CLEC9A: variants seen among roughly 807,000 people sequenced by gnomAD.
CLEC9A encodes the protein C-type lectin domain family 9 member A.
CLEC9A carries 24 observed loss-of-function variants against 30.0 expected under a neutral mutation model. The observed-to-expected ratio is 0.80, with a 90% CI of 0.58 to 1.13. CLEC9A has a LOEUF of 1.13. Ranked by LOEUF, CLEC9A falls within the 50% of genes most tolerant of loss-of-function variation. CLEC9A has a pLI of 0.00. For synonymous variants in CLEC9A, 111 were observed against 96.8 expected (o/e 1.15, Z -0.86); for missense variants, 251 against 280.9 (o/e 0.89, Z 0.76).
chr12:10,048,197 C>G (rs1194410693), intron 2 of CLEC9A, among the ~76,000 whole-genome samples: 1 of 149,280 alleles, frequency 6.7e-6, no homozygotes, highest in Non-Finnish European at 1.5e-5. Context: ...TGCGCCACTG[C>G]AGTCCGCAGT....
At chr12:10,051,698 A>C (rs1190847273) in intron 2 of CLEC9A, among the ~76,000 whole-genome samples, 1 of 152,220 alleles carries the variant, frequency 6.6e-6, no homozygotes, top group Non-Finnish European at 1.5e-5. Context: ...TTACTTAGAC[A>C]TAACCTTTGG....
intron 5 of CLEC9A, among the ~76,000 whole-genome samples, chr12:10,059,111 A>G (rs973337613): frequency 6.6e-6 from 1 of 152,234 alleles, no homozygotes; most frequent in African/African-American, 2.4e-5. Flanking sequence ...AATGATTAAC[A>G]TATCATAAAC....
intron 4 of CLEC9A, among the ~76,000 whole-genome samples, chr12:10,053,348 G>A (rs1173313385): frequency 6.6e-6 from 1 of 152,140 alleles, no homozygotes; most frequent in Non-Finnish European, 1.5e-5. Context: ...GTGTTGGCAG[G>A]GATCGAGTGG....
intron 6 of CLEC9A, among the ~76,000 whole-genome samples, chr12:10,062,779 G>A (rs1164786684): frequency 1.4e-4 from 21 of 152,056 alleles, no homozygotes; most frequent in Non-Finnish European, 1.5e-5. Flanking sequence ...GATAAAACTG[G>A]AATAATCAGA....
At chr12:10,058,262 A>G (rs919694805) in intron 5 of CLEC9A, among the ~76,000 whole-genome samples, 4 of 152,224 alleles carry the variant, frequency 2.6e-5, no homozygotes, top group Non-Finnish European at 5.9e-5. Flanking sequence ...TGAATCTAAG[A>G]AGAAAATTAT....
intron 2 of CLEC9A, among the ~76,000 whole-genome samples, chr12:10,048,357 T>G (rs1591888743): frequency 1.7e-5 from 2 of 118,040 alleles, no homozygotes; most frequent in African/African-American, 6.5e-5. Context: ...GGTGACAGAG[T>G]GAGATTCCGA....
At chr12:10,038,306 C>T in intron 1 of CLEC9A, among the ~76,000 whole-genome samples, 1 of 152,136 alleles carries the variant, frequency 6.6e-6, no homozygotes, top group East Asian at 1.9e-4. Flanking sequence ...TTCTTCACCT[C>T]ATTCTCAAAA....
At chr12:10,038,476 CAT>C (rs1865762077) in intron 1 of CLEC9A, among the ~76,000 whole-genome samples, 1 of 152,130 alleles carries the variant, frequency 6.6e-6, no homozygotes, top group African/African-American at 2.4e-5. Flanking sequence ...CTATAACCCA[CAT>C]AGTTACTATA....
chr12:10,048,435 T>A (rs1238291194), intron 2 of CLEC9A, among the ~76,000 whole-genome samples: 1 of 152,106 alleles, frequency 6.6e-6, no homozygotes, highest in African/African-American at 2.4e-5. Flanking sequence ...ATGAAATTTT[T>A]ATCTGTAGCA....
chr12:10,062,993 G>T lies in CLEC9A; in HGVS notation c.320-62G>T, dbSNP rs568105847. 731 of 1,433,982 alleles carry T rather than the reference G, an allele frequency of 5.1e-4. 3 individuals are homozygous for T. In the African/African-American group the frequency reaches 9.5e-3, roughly 19 times the overall value. 88.8% of individuals were successfully genotyped at this position (1,433,982 alleles called of 1,614,324 possible). A position where few individuals can be genotyped will look rare whatever the true frequency, so the allele number is the denominator to read the frequency against. ...TGAGGGTGAGGCAAGGGGCTTTTTG[G>T]AGGGATATATGTTGTTAATATTTTA... On this transcript the variant is annotated intron_variant, in intron 6 of 8. Transcript: ENST00000355819.
intron 5 of CLEC9A, among the ~76,000 whole-genome samples, chr12:10,057,525 A>G (rs1565592858): frequency 6.6e-6 from 1 of 151,972 alleles, no homozygotes; most frequent in Non-Finnish European, 1.5e-5. Context: ...TGTCATATTT[A>G]TATAAAAGAA....
intron 1 of CLEC9A, among the ~76,000 whole-genome samples, chr12:10,039,613 C>T (rs1199547511): frequency 6.6e-6 from 1 of 152,140 alleles, no homozygotes; most frequent in Non-Finnish European, 1.5e-5. Context: ...TTCTCTCTAC[C>T]TAAAATTTGC....
At chr12:10,038,964 G>A (rs1173003803) in intron 1 of CLEC9A, among the ~76,000 whole-genome samples, 1 of 152,252 alleles carries the variant, frequency 6.6e-6, no homozygotes, top group African/African-American at 2.4e-5. Flanking sequence ...CATGCCTATT[G>A]TTGATGATCA....
rs1225981989 is a variant in CLEC9A at position 10,052,079 on chromosome 12, G to C, written c.-74G>C. 4 of 152,174 alleles carry C rather than the reference G, an allele frequency of 2.6e-5. No homozygotes were observed. The highest frequency in any genetic ancestry group is 5.9e-5 in the Non-Finnish European group (4 of 68,030). The allele number at this position is 152,174 out of a possible 1,614,324, so 9.4% of individuals were successfully genotyped here. A position where few individuals can be genotyped will look rare whatever the true frequency, so the allele number is the denominator to read the frequency against. On this transcript the variant is annotated 5_prime_UTR_variant, in exon 3 of 9. Coordinates refer to ENST00000355819, the MANE Select transcript of CLEC9A (RefSeq NM_207345.4). Reference sequence around the variant, plus strand: ...AATGCTATCACTAACTAGGATTCCTGGAGCTAAAACATTATGTAAGATGCA... The same window carrying C: ...AATGCTATCACTAACTAGGATTCCTCGAGCTAAAACATTATGTAAGATGCA...
chr12:10,052,397 C>A, intron 3 of CLEC9A: 1 of 625,508 alleles, frequency 1.6e-6, no homozygotes, highest in Non-Finnish European at 2.2e-6. Context: ...TCACCTTCAA[C>A]ATCTGCTACA....
intron 5 of CLEC9A, among the ~76,000 whole-genome samples, chr12:10,058,793 C>G (rs1435040382): frequency 6.6e-6 from 1 of 152,226 alleles, no homozygotes; most frequent in African/African-American, 2.4e-5. Context: ...GAGCCACCCC[C>G]CTCAGCCTCC....
At position 10,054,397 on chromosome 12, in the gene CLEC9A, A is replaced by T. The variant is rs774785460; in HGVS notation, c.172+46A>T. The T allele has an allele frequency of 2.5e-6, 3 of 1,211,616 alleles. No individual in the cohort carries two copies. In the Admixed American group the frequency reaches 6.4e-5, roughly 26 times the overall value. The allele number at this position is 1,211,616 out of a possible 1,614,324, so 75.1% of individuals were successfully genotyped here. A position where few individuals can be genotyped will look rare whatever the true frequency, so the allele number is the denominator to read the frequency against. ...TCAAAATATGTATATCGTTATATATAAAACTTCATAATTTATAAATGGATG... is the reference window on the plus strand; with the variant it reads ...TCAAAATATGTATATCGTTATATATTAAACTTCATAATTTATAAATGGATG... On this transcript the variant is annotated intron_variant, in intron 5 of 8. Transcript: ENST00000355819.
chr12:10,054,442 A>C, intron 5 of CLEC9A, 91 bp downstream of exon 5: 4 of 778,296 alleles, frequency 5.1e-6, no homozygotes, highest in Non-Finnish European at 8.2e-6. Context: ...TTCATATGTG[A>C]ATGCACATAA....
chr12:10,065,706 C>G lies in CLEC9A; in HGVS notation c.*74C>G, dbSNP rs1866039869. 1.9e-6 allele frequency: 3 copies of G among 1,551,710 alleles called. No homozygotes were observed. Among genetic ancestry groups the G allele is most frequent in the Non-Finnish European group, 2.6e-6 (3 of 1,145,342 alleles). ...CATTGGAAAACCCACCCCCACCCCCCCTCAAAAAAACAGAACAGTAAACCA... is the reference window on the plus strand; with the variant it reads ...CATTGGAAAACCCACCCCCACCCCCGCTCAAAAAAACAGAACAGTAAACCA... On this transcript the variant is annotated 3_prime_UTR_variant, in exon 9 of 9. Coordinates refer to ENST00000355819, the MANE Select transcript of CLEC9A (RefSeq NM_207345.4).
Sources: gnomAD v4.1 joint callset for allele counts (sites outside exome capture counted in the v4.1 genomes callset) on GRCh38, gnomAD v4.1.1 for gene constraint, MANE v1.5 for transcripts, NCBI Gene and HGNC (gene_info 2026-07-23, HGNC 2026-07-21) for gene names.